The following KIF16B variants were observed in gnomAD, a reference collection of about 807,000 sequenced individuals.
The protein encoded by KIF16B is kinesin-like protein KIF16B.
In KIF16B, 98 loss-of-function variants were observed where a neutral mutation model predicts 156.3. The ratio of observed to expected loss-of-function variants is 0.63; its 90% confidence interval spans 0.53 to 0.74. The LOEUF (loss-of-function observed/expected upper bound fraction) is 0.74, where lower values mean the gene tolerates loss of function less well. Among genes scored for constraint, KIF16B ranks in the 30% least tolerant of loss-of-function variants. The pLI is 0.00. For missense variants in KIF16B, 1,421 were observed against 1,606.5 expected (o/e 0.88, Z 1.97); for synonymous variants, 564 against 583.7 (o/e 0.97, Z 0.49).
Position 16,497,630 on chromosome 20 carries a change from G to GAAGTTTTTCCTCCATACTTA in KIF16B, c.1205_1224dup (p.Gln409Ter), listed in dbSNP as rs1423195234. On this transcript the variant is annotated stop_gained and frameshift_variant, in exon 11 of 26. Transcript: ENST00000354981. LOFTEE classifies it high-confidence loss of function. ...TCACTTACTCTTGCTTCATTCTGCT[G>GAAGTTTTTCCTCCATACTTA]AAGTTTTTCCTCCATACTTAAAGCT... 1 of 1,610,880 alleles carries GAAGTTTTTCCTCCATACTTA rather than the reference G, an allele frequency of 6.2e-7. No homozygotes were observed. The highest frequency in any genetic ancestry group is 2.2e-5 in the East Asian group (1 of 44,824).
At chr20:16,402,985 A>G (rs1047526701) in intron 17 of KIF16B, among the ~76,000 whole-genome samples, 20 of 152,220 alleles carry the variant, frequency 1.3e-4, no homozygotes, top group African/African-American at 4.8e-4. Flanking sequence ...TATATATGTA[A>G]GGCAAAGAGG....
At chr20:16,490,572 AG>A (rs1438610670) in intron 12 of KIF16B, among the ~76,000 whole-genome samples, 1 of 152,126 alleles carries the variant, frequency 6.6e-6, no homozygotes, top group Non-Finnish European at 1.5e-5. Flanking sequence ...CACACAAAAA[AG>A]AAGAGGAACC....
At chr20:16,325,157 T>C (rs756890705) in intron 24 of KIF16B, among the ~76,000 whole-genome samples, 4 of 152,016 alleles carry the variant, frequency 2.6e-5, no homozygotes, top group Admixed American at 6.6e-5. Context: ...CACCTTAAGT[T>C]AGTAAAAGCC....
At chr20:16,472,844 T>A (rs540928871) in intron 12 of KIF16B, among the ~76,000 whole-genome samples, 1 of 152,260 alleles carries the variant, frequency 6.6e-6, no homozygotes, top group Admixed American at 6.5e-5. Flanking sequence ...GAGAAAGTCA[T>A]TACCTAAGAG....
At chr20:16,370,755 A>G (rs1273793037) in intron 21 of KIF16B, 119 bp from the exon 22 acceptor site, 1 of 711,510 alleles carries the variant, frequency 1.4e-6, no homozygotes, top group Non-Finnish European at 2.3e-6. Context: ...TTGTCATTCA[A>G]CAATGACAAC....
At chr20:16,438,588 T>C (rs1416132537) in intron 12 of KIF16B, among the ~76,000 whole-genome samples, 2 of 152,104 alleles carry the variant, frequency 1.3e-5, no homozygotes, top group East Asian at 1.9e-4. Context: ...ATTTTCCACA[T>C]AGGAAGAATC....
chr20:16,499,475 G>C (rs1475645224), intron 10 of KIF16B, among the ~76,000 whole-genome samples: 1 of 152,184 alleles, frequency 6.6e-6, no homozygotes, highest in Non-Finnish European at 1.5e-5. Flanking sequence ...GTAAAGAAAA[G>C]GGAGCTTTGT....
intron 15 of KIF16B, among the ~76,000 whole-genome samples, chr20:16,412,604 G>A (rs557068598): frequency 1.2e-4 from 19 of 152,148 alleles, no homozygotes; most frequent in African/African-American, 2.9e-4. Context: ...AAGAAGTGCC[G>A]CATAAAAATG....
chr20:16,302,137 G>A (rs988306259), intron 25 of KIF16B, among the ~76,000 whole-genome samples: 1 of 152,174 alleles, frequency 6.6e-6, no homozygotes, highest in African/African-American at 2.4e-5. Context: ...CTTTAGTGAA[G>A]TCTATCTTAT....
chr20:16,564,664 A>T (rs945631545), intron 1 of KIF16B, among the ~76,000 whole-genome samples: 3 of 75,228 alleles, frequency 4.0e-5, no homozygotes, highest in African/African-American at 2.0e-4. Flanking sequence ...AAAGTATAAT[A>T]AAAAAAAAAA....
chr20:16,384,990 A>C (rs2065193988), intron 17 of KIF16B, among the ~76,000 whole-genome samples: 2 of 152,104 alleles, frequency 1.3e-5, no homozygotes, highest in Non-Finnish European at 2.9e-5. Flanking sequence ...TGAAGTCAGA[A>C]GTTTGAGACC....
At chr20:16,289,526 T>C (rs910450900) in intron 25 of KIF16B, among the ~76,000 whole-genome samples, 3 of 152,164 alleles carry the variant, frequency 2.0e-5, no homozygotes, top group Non-Finnish European at 4.4e-5. Context: ...AATCACCTCA[T>C]ATTAGATAGA....
At chr20:16,427,423 A>G (rs1192999367) in intron 14 of KIF16B, among the ~76,000 whole-genome samples, 182 bp from the exon 15 acceptor site, 1 of 152,170 alleles carries the variant, frequency 6.6e-6, no homozygotes, top group Non-Finnish European at 1.5e-5. Flanking sequence ...ATGACGTTCA[A>G]TGATAGGACT....
intron 1 of KIF16B, among the ~76,000 whole-genome samples, chr20:16,554,947 C>T (rs1568681795): frequency 1.3e-5 from 2 of 152,376 alleles, no homozygotes; most frequent in East Asian, 3.9e-4. Flanking sequence ...CTGGACCCCA[C>T]ACTCGCTCAC....
intron 10 of KIF16B, among the ~76,000 whole-genome samples, chr20:16,499,448 G>A (rs1456981249): frequency 2.6e-5 from 4 of 152,138 alleles, no homozygotes; most frequent in African/African-American, 9.7e-5. Flanking sequence ...GTTAACCCAA[G>A]GTCAAATCCA....
Position 16,400,219 on chromosome 20 carries a change from G to T in KIF16B, c.1784+4594C>A, listed in dbSNP as rs201992306. Among the ~76,000 whole-genome samples the T allele has an allele frequency of 2.6e-5, 4 of 152,272 alleles. No homozygotes were observed. In the East Asian group the frequency reaches 5.8e-4, roughly 22 times the overall value. ...ACTTACCAGGGGAACTACATTTTGA[G>T]ATTTTCTTTCTATATTTTTAAACAC... On this transcript the variant is annotated intron_variant, in intron 17 of 25. Transcript: ENST00000354981.
chr20:16,526,146 G>A lies in KIF16B; in HGVS notation c.177C>T (p.Asp59=). 6.2e-7 allele frequency: 1 copy of A among 1,610,726 alleles called. No individual in the cohort carries two copies. The highest frequency in any genetic ancestry group is 8.5e-7 in the Non-Finnish European group (1 of 1,178,408). The change falls in exon 3 of 26, where the codon GAC becomes GAT. Residue 59 remains aspartate, a synonymous_variant. Transcript: ENST00000354981. The part of the protein sequence containing the change: ...GRERTKTFTY[D]FSFYSADTKS... ...TTGTATCAGCAGAATAAAAAGAAAAGTCATAGGTGAAGGTCTTGGTCCGTT... is the reference window on the plus strand; with the variant it reads ...TTGTATCAGCAGAATAAAAAGAAAAATCATAGGTGAAGGTCTTGGTCCGTT...
At chr20:16,486,966 C>T (rs981546268) in intron 12 of KIF16B, among the ~76,000 whole-genome samples, 1 of 152,068 alleles carries the variant, frequency 6.6e-6, no homozygotes, top group African/African-American at 2.4e-5. Context: ...AGATTAACTG[C>T]ATTTAGGCCA....
chr20:16,290,812 T>A (rs2063303842), intron 25 of KIF16B, among the ~76,000 whole-genome samples: 1 of 152,160 alleles, frequency 6.6e-6, no homozygotes, highest in African/African-American at 2.4e-5. Context: ...GGCCTGAATA[T>A]GTCAGGGAAG....
Sources: gnomAD v4.1 joint callset for allele counts (sites outside exome capture counted in the v4.1 genomes callset) on GRCh38, gnomAD v4.1.1 for gene constraint, MANE v1.5 for transcripts, NCBI Gene and HGNC (gene_info 2026-07-23, HGNC 2026-07-21) for gene names.